The following SLIT2 variants were observed in gnomAD, a reference collection of about 807,000 sequenced individuals.
SLIT2 encodes slit homolog 2 protein.
Under a neutral mutation model 185.7 loss-of-function variants are expected in SLIT2, and 41 were observed. That is an observed-to-expected ratio of 0.22 (90% CI 0.17 to 0.29). The LOEUF (loss-of-function observed/expected upper bound fraction) is 0.29. Ranked by LOEUF, SLIT2 falls within the 10% of genes least tolerant of loss-of-function variation. The pLI is 1.00. For missense variants in SLIT2, 1,571 were observed against 1,909.0 expected (o/e 0.82, Z 3.30); for synonymous variants, 693 against 680.2 (o/e 1.02, Z -0.29).
chr4:20,550,863 A>G lies in SLIT2; in HGVS notation c.2526A>G (p.Glu842=). The G allele has an allele frequency of 5.6e-6, 9 of 1,609,152 alleles. No individual in the cohort carries two copies. The highest frequency in any genetic ancestry group is 1.3e-5 in the African/African-American group (1 of 74,902). The change falls in exon 25 of 37, where the codon GAA becomes GAG. Residue 842 remains glutamate, a synonymous_variant. Coordinates refer to ENST00000504154, the MANE Select transcript of SLIT2 (RefSeq NM_004787.4). ...GAAATGACATTTCTGTTGTGCCTGAAGGTGCTTTCAATGATCTTTCTGCAT... is the reference window on the plus strand; with the variant it reads ...GAAATGACATTTCTGTTGTGCCTGAGGGTGCTTTCAATGATCTTTCTGCAT... The part of the protein sequence containing the change: ...LHGNDISVVP[E]GAFNDLSALS...
At chr4:20,307,006 A>G (rs949093156) in intron 4 of SLIT2, among the ~76,000 whole-genome samples, 1 of 151,900 alleles carries the variant, frequency 6.6e-6, no homozygotes, top group Non-Finnish European at 1.5e-5. Flanking sequence ...CACAGCATCT[A>G]CTACAGTTTC....
rs769105726 is a variant in SLIT2 at position 20,539,457 on chromosome 4, C to A, written c.1849C>A (p.Arg617=). 2.5e-6 allele frequency: 4 copies of A among 1,611,722 alleles called. No individual in the cohort carries two copies. The highest frequency in any genetic ancestry group is 1.7e-6 in the Non-Finnish European group (2 of 1,179,124). The change falls in exon 19 of 37, where the codon CGA becomes AGA. Residue 617 remains arginine, a synonymous_variant. Transcript: ENST00000504154. ...SLKTLMLRSN[R]ITCVGNDSFI... is the part of the protein sequence containing the mutation. ...TCCCCTCAGGATGTTGAGAAGCAAT[C>A]GAATAACCTGTGTGGGGAATGACAG...
intron 5 of SLIT2, among the ~76,000 whole-genome samples, chr4:20,479,393 A>G (rs966909769): frequency 1.3e-5 from 2 of 152,146 alleles, no homozygotes; most frequent in African/African-American, 4.8e-5. Context: ...TCAAATATGA[A>G]TTAGCCCTTT....
At chr4:20,412,944 A>G (rs1479042149) in intron 4 of SLIT2, among the ~76,000 whole-genome samples, 2 of 152,064 alleles carry the variant, frequency 1.3e-5, no homozygotes, top group Admixed American at 6.6e-5. Context: ...TGTTTTGTCA[A>G]TTCTGGATCT....
At chr4:20,410,274 A>C (rs1290697131) in intron 4 of SLIT2, among the ~76,000 whole-genome samples, 1 of 106,464 alleles carries the variant, frequency 9.4e-6, no homozygotes, top group Non-Finnish European at 1.8e-5. Flanking sequence ...TTTGAGACAG[A>C]GTCTTGCTCT....
chr4:20,464,435 A>G (rs908200399), intron 4 of SLIT2, among the ~76,000 whole-genome samples: 2 of 152,150 alleles, frequency 1.3e-5, no homozygotes, highest in East Asian at 1.9e-4. Context: ...ATCAACTCCA[A>G]TCAAGCCATT....
At chr4:20,408,255 T>C (rs1414984547) in intron 4 of SLIT2, among the ~76,000 whole-genome samples, 1 of 152,176 alleles carries the variant, frequency 6.6e-6, no homozygotes, top group East Asian at 1.9e-4. Flanking sequence ...AACCAGATGA[T>C]AGGAGAAAGA....
At chr4:20,415,375 C>T (rs969942958) in intron 4 of SLIT2, among the ~76,000 whole-genome samples, 1 of 135,558 alleles carries the variant, frequency 7.4e-6, no homozygotes, top group Non-Finnish European at 1.5e-5. Flanking sequence ...CGCACCACTG[C>T]GCTCCAGCCT....
rs905166501 is a variant in SLIT2 at position 20,531,995 on chromosome 4, A to G, written c.1625A>G (p.Asn542Ser). 5.7e-6 allele frequency: 9 copies of G among 1,574,790 alleles called. No individual in the cohort carries two copies. The highest frequency in any genetic ancestry group is 7.7e-6 in the Non-Finnish European group (9 of 1,165,568). ...TCTTTTTTCTTCAGGCGTCTCAATA[A>G]TAATGAATTTACCGTGTTGGAAGCC... is the stretch of plus-strand genomic sequence containing the variant. Reference protein sequence around the residue: ...PQYTAELRLNNNEFTVLEATG... With the variant: ...PQYTAELRLNSNEFTVLEATG... Residue 542 changes from asparagine (N) to serine (S), a missense_variant, in exon 17 of 37, where the codon AAT becomes AGT. By Grantham distance (46) the Asn-to-Ser change is conservative. This residue lies in a region of SLIT2 where 1,202 missense variants were observed against 1,416.4 expected (regional missense o/e 0.85). Coordinates refer to ENST00000504154, the MANE Select transcript of SLIT2 (RefSeq NM_004787.4).
chr4:20,386,880 A>G (rs1175021405), intron 4 of SLIT2, among the ~76,000 whole-genome samples: 1 of 152,212 alleles, frequency 6.6e-6, no homozygotes, highest in African/African-American at 2.4e-5. Context: ...ACATGCTCCC[A>G]TGAACCACGG....
intron 4 of SLIT2, among the ~76,000 whole-genome samples, chr4:20,293,162 A>C (rs548887566): frequency 6.6e-6 from 1 of 152,366 alleles, no homozygotes; most frequent in Non-Finnish European, 1.5e-5. Flanking sequence ...TATTAGGTTA[A>C]GGAAGGAAAG....
At position 20,253,845 on chromosome 4, in the gene SLIT2, C is replaced by A. The variant is rs1296812919; in HGVS notation, c.30C>A (p.Ser10=). MRGVGWQML[S]LSLGLVLAIL... ...GCGGCGTTGGCTGGCAGATGCTGTC[C>A]CTGTCGCTGGGGTTAGTGCTGGCGA... is the stretch of plus-strand genomic sequence containing the variant. The change falls in exon 1 of 37, where the codon TCC becomes TCA. Residue 10 remains serine (S), a synonymous_variant. Coordinates refer to ENST00000504154, the MANE Select transcript of SLIT2 (RefSeq NM_004787.4). 6.3e-7 allele frequency: 1 copy of A among 1,599,964 alleles called. No individual in the cohort carries two copies. The highest frequency in any genetic ancestry group is 1.3e-5 in the African/African-American group (1 of 74,906).
chr4:20,391,855 G>A (rs1377413389), intron 4 of SLIT2, among the ~76,000 whole-genome samples: 6 of 151,992 alleles, frequency 3.9e-5, no homozygotes, highest in Non-Finnish European at 2.9e-5. Context: ...TTGAAAAAAA[G>A]TCCTCAAAAT....
chr4:20,561,809 G>A (rs1332379096), intron 26 of SLIT2, among the ~76,000 whole-genome samples: 1 of 147,624 alleles, frequency 6.8e-6, no homozygotes, highest in Non-Finnish European at 1.5e-5. Flanking sequence ...TTTAAAAAAG[G>A]GGGGGCTCTT....
In SLIT2 at chr4:20,364,342, T is replaced by A. The variant is rs192234991; in HGVS notation, c.395+95461T>A. 24 of 916,468 alleles carry A rather than the reference T, an allele frequency of 2.6e-5. No individual in the cohort carries two copies. In the African/African-American group the frequency reaches 3.4e-4, roughly 13 times the overall value. The allele number at this position is 916,468 out of a possible 1,614,324, so 56.8% of individuals were successfully genotyped here. A position where few individuals can be genotyped will look rare whatever the true frequency, so the allele number is the denominator to read the frequency against. ...TTGAAAAAGGGCCTGCATTTCAGGATAGCTGGACAGTTCACCCATTAGCTC... is the reference window on the plus strand; with the variant it reads ...TTGAAAAAGGGCCTGCATTTCAGGAAAGCTGGACAGTTCACCCATTAGCTC... On this transcript the variant is annotated intron_variant, in intron 4 of 36. Transcript: ENST00000504154.
At position 20,251,959 on chromosome 4, in the gene SLIT2, T is replaced by C. The variant is rs528201622; in HGVS notation, c.-1857T>C. On this transcript the variant is annotated 5_prime_UTR_variant, in exon 1 of 37. Transcript: ENST00000504154. The stretch of plus-strand genomic sequence containing the variant: ...GGACGGCGGAGCTTGGCGGCGGCGG[T>C]GGTGGTGGCTGCCGCAGACTGTGGT... Among the ~76,000 whole-genome samples the C allele has an allele frequency of 1.6e-3, 239 of 151,032 alleles. 2 individuals carry two copies. Among genetic ancestry groups the C allele is most frequent in the African/African-American group, 5.7e-3 (234 of 41,080 alleles).
At chr4:20,296,047 A>G (rs1478675875) in intron 4 of SLIT2, among the ~76,000 whole-genome samples, 1 of 151,676 alleles carries the variant, frequency 6.6e-6, no homozygotes, top group Non-Finnish European at 1.5e-5. Flanking sequence ...GTTTTCTATC[A>G]TGTGTTGTCT....
At chr4:20,582,348 A>AG (rs1302881540) in intron 29 of SLIT2, among the ~76,000 whole-genome samples, 1 of 152,040 alleles carries the variant, frequency 6.6e-6, no homozygotes, top group Non-Finnish European at 1.5e-5. Context: ...GTCCCTTTCT[A>AG]GGGCCCCATA....
intron 29 of SLIT2, among the ~76,000 whole-genome samples, chr4:20,580,011 AATATATT>A (rs1726405584): frequency 6.9e-6 from 1 of 144,978 alleles, no homozygotes; most frequent in Non-Finnish European, 1.5e-5. Flanking sequence ...TATCATATAT[AATATATT>A]ATTATATATA....
Sources: gnomAD v4.1 joint callset for allele counts (sites outside exome capture counted in the v4.1 genomes callset) on GRCh38, gnomAD v4.1.1 for gene constraint, gnomAD v4.1.1 regional missense constraint, MANE v1.5 for transcripts, NCBI Gene and HGNC (gene_info 2026-07-23, HGNC 2026-07-21) for gene names.